Variants in CCR7 observed in about 807,000 individuals in gnomAD.
CCR7 encodes C-C chemokine receptor type 7.
In CCR7, 11 loss-of-function variants were observed where a neutral mutation model predicts 26.0. The observed-to-expected ratio is 0.42, with a 90% CI of 0.27 to 0.70. The LOEUF is 0.70. Among genes scored for constraint, CCR7 ranks in the 30% least tolerant of loss-of-function variants. The probability of loss-of-function intolerance (pLI) is 0.23; values close to 1 mark genes in which losing one functional copy is unlikely to be tolerated. For missense variants in CCR7, 360 were observed against 504.0 expected (o/e 0.71, Z 2.74); for synonymous variants, 189 against 202.1 (o/e 0.94, Z 0.55).
chr17:40,558,513 A>G (rs1352436004), intron 2 of CCR7, among the ~76,000 whole-genome samples: 1 of 152,216 alleles, frequency 6.6e-6, no homozygotes, highest in East Asian at 1.9e-4. Context: ...CAAGATCGCC[A>G]GATCCAGGGT....
intron 1 of CCR7, among the ~76,000 whole-genome samples, chr17:40,564,059 T>C (rs1339876680): frequency 6.6e-6 from 1 of 151,398 alleles, no homozygotes; most frequent in East Asian, 1.9e-4. Context: ...TGGAGCAGGG[T>C]CTTCTGTGGG....
At chr17:40,560,189 A>C (rs1319240452) in intron 1 of CCR7, among the ~76,000 whole-genome samples, 1 of 152,174 alleles carries the variant, frequency 6.6e-6, no homozygotes, top group African/African-American at 2.4e-5. Context: ...TTGACAGAGT[A>C]ATTTGCCTAG....
chr17:40,558,854 G>A, intron 2 of CCR7, 39 bp downstream of exon 2: 1 of 1,591,282 alleles, frequency 6.3e-7, no homozygotes, highest in Non-Finnish European at 8.6e-7. Flanking sequence ...GAGGCCGTGT[G>A]GAGAAGGGAA....
chr17:40,563,547 C>T (rs3136685), intron 1 of CCR7, among the ~76,000 whole-genome samples: 39,641 of 151,958 alleles, frequency 0.26, 6,622 homozygotes, highest in African/African-American at 0.47. Flanking sequence ...CCTCCCTCCT[C>T]ACCCACCTCT....
Position 40,555,306 on chromosome 17 carries a change from G to A in CCR7, c.573C>T (p.Ile191=), listed in dbSNP as rs1344619587. 6.2e-7 allele frequency: 1 copy of A among 1,614,194 alleles called. No individual in the cohort carries two copies. Among genetic ancestry groups the A allele is most frequent in the South Asian group, 1.1e-5 (1 of 91,082 alleles). The change falls in exon 3 of 3, where the codon ATC becomes ATT. Residue 191 remains isoleucine, a synonymous_variant. Transcript: ENST00000246657. The surrounding 1 kb of genome is among the most constrained non-coding windows in gnomAD (Gnocchi z 5.6). ...GGAGGTCACTGTACAGGAGCTCTGG[G>A]ATGGAGAGCACTGTGGCTAGTATCC... ...GIWILATVLS[I]PELLYSDLQR... is the part of the protein sequence containing the mutation.
Position 40,554,613 on chromosome 17 carries a change from C to T in CCR7, c.*129G>A. ...CTATCTTCTGGAGCAGGGGCTTGCACTCTGAGGGGAGAGCTGCTTTTCCCT... is the reference window on the plus strand; with the variant it reads ...CTATCTTCTGGAGCAGGGGCTTGCATTCTGAGGGGAGAGCTGCTTTTCCCT... On this transcript the variant is annotated 3_prime_UTR_variant, in exon 3 of 3. Coordinates refer to ENST00000246657, the MANE Select transcript of CCR7 (RefSeq NM_001838.4). The T allele has an allele frequency of 2.7e-6, 2 of 741,420 alleles. No individual in the cohort carries two copies. The highest frequency in any genetic ancestry group is 1.7e-5 in the South Asian group (1 of 58,322). The allele number at this position is 741,420 out of a possible 1,614,324, so 45.9% of individuals were successfully genotyped here.
chr17:40,560,725 C>G (rs895260904), intron 1 of CCR7: 2 of 152,324 alleles, frequency 1.3e-5, no homozygotes, highest in African/African-American at 4.8e-5. Flanking sequence ...GAGGATGAAG[C>G]CCCTGATGCT....
At chr17:40,558,867 G>C (rs1480879561) in intron 2 of CCR7, 26 bp downstream of exon 2, 1 of 1,609,286 alleles carries the variant, frequency 6.2e-7, no homozygotes, top group African/African-American at 1.3e-5. Context: ...GAAGGGAACA[G>C]AGCTTTCCTT....
At position 40,555,199 on chromosome 17, in the gene CCR7, T is replaced by C; in HGVS notation, c.680A>G (p.Gln227Arg). Residue 227 changes from glutamine (Q) to arginine (R), a missense_variant, in exon 3 of 3, where the codon CAG becomes CGG. Gln to Arg is a conservative substitution (Grantham distance 43). Transcript: ENST00000246657. The surrounding 1 kb of genome is among the most constrained non-coding windows in gnomAD (Gnocchi z 5.6). The stretch of plus-strand genomic sequence containing the variant: ...GGGGACCAGAAAGCCGATCACCATC[T>C]GGGCCACCTGGATGGTGATAAAGGC... ...VEAFITIQVAQMVIGFLVPLL... is the reference protein window; with the variant it reads ...VEAFITIQVARMVIGFLVPLL... The C allele has an allele frequency of 1.2e-6, 2 of 1,614,132 alleles. No homozygotes were observed. The highest frequency in any genetic ancestry group is 8.5e-7 in the Non-Finnish European group (1 of 1,180,018).
At chr17:40,563,248 A>G (rs1358719698) in intron 1 of CCR7, among the ~76,000 whole-genome samples, 1 of 152,042 alleles carries the variant, frequency 6.6e-6, no homozygotes, top group African/African-American at 2.4e-5. Context: ...ATTTTTTCCA[A>G]CAGCGACCCC....
At position 40,555,928 on chromosome 17, in the gene CCR7, CA is replaced by C; in HGVS notation, c.61-111del. ...TCTTTCTTTTTTTTTTTTCTTGAGACATGGTCTCACTCTGTTGCCCAGGCTG... is the reference window on the plus strand; with the variant it reads ...TCTTTCTTTTTTTTTTTTCTTGAGACTGGTCTCACTCTGTTGCCCAGGCTG... On this transcript the variant is annotated intron_variant, in intron 2 of 2. Transcript: ENST00000246657. The surrounding 1 kb of genome is among the most constrained non-coding windows in gnomAD (Gnocchi z 5.6). 2.8e-6 allele frequency: 2 copies of C among 720,278 alleles called. No individual in the cohort carries two copies. Among genetic ancestry groups the C allele is most frequent in the Non-Finnish European group, 4.6e-6 (2 of 438,044 alleles). The allele number at this position is 720,278 out of a possible 1,614,324, so 44.6% of individuals were successfully genotyped here.
chr17:40,554,726 C>T lies in CCR7; in HGVS notation c.*16G>A. ...GACCCTGGGAGAGGTCCCTCTAGTC[C>T]AGGCAGAAGAGTCGCCTATGGGGAG... On this transcript the variant is annotated 3_prime_UTR_variant, in exon 3 of 3. Coordinates refer to ENST00000246657, the MANE Select transcript of CCR7 (RefSeq NM_001838.4). The T allele has an allele frequency of 6.3e-7, 1 of 1,577,784 alleles. No individual in the cohort carries two copies. Among genetic ancestry groups the T allele is most frequent in the Non-Finnish European group, 8.6e-7 (1 of 1,158,614 alleles).
intron 1 of CCR7, among the ~76,000 whole-genome samples, chr17:40,561,977 CG>C (rs2036660542): frequency 6.6e-6 from 1 of 152,160 alleles, no homozygotes. Context: ...GCTCTCACTG[CG>C]TGCCACACTG....
At chr17:40,559,038 C>T (rs2036625120) in intron 1 of CCR7, 96 bp from the exon 2 acceptor site, 1 of 983,756 alleles carries the variant, frequency 1.0e-6, no homozygotes, top group Non-Finnish European at 1.5e-6. Flanking sequence ...GGGAACTTTC[C>T]TCCCAAGCTC....
intron 1 of CCR7, among the ~76,000 whole-genome samples, chr17:40,564,446 C>A (rs2036686595): frequency 6.6e-6 from 1 of 152,178 alleles, no homozygotes; most frequent in Non-Finnish European, 1.5e-5. Context: ...TTAAAGCCAA[C>A]CCTTTGCGGC....
intron 2 of CCR7, among the ~76,000 whole-genome samples, chr17:40,557,105 C>A (rs1033023415): frequency 4.6e-5 from 7 of 152,228 alleles, no homozygotes; most frequent in African/African-American, 1.7e-4. Flanking sequence ...CACCTCTCTG[C>A]CTCTCTCTTC....
chr17:40,558,338 G>A (rs906325378), intron 2 of CCR7, among the ~76,000 whole-genome samples: 1 of 152,248 alleles, frequency 6.6e-6, no homozygotes, highest in Non-Finnish European at 1.5e-5. Context: ...GCTATAAAGT[G>A]TGTGCTCATC....
rs144458054 is a variant in CCR7 at position 40,563,369 on chromosome 17, A to G, written c.10+2031T>C. 5.6e-3 allele frequency among the ~76,000 whole-genome samples: 851 copies of G among 152,266 alleles called. 7 individuals are homozygous for G. Among genetic ancestry groups the G allele is most frequent in the African/African-American group, 0.019 (807 of 41,538 alleles). ...ACCATTTATGTCCGAGCTGTGAGGC[A>G]CACATCTCTCATGGGTTCATTTTTT... On this transcript the variant is annotated intron_variant, in intron 1 of 2. Transcript: ENST00000246657.
chr17:40,559,266 C>A (rs902143088), intron 1 of CCR7, among the ~76,000 whole-genome samples: 10 of 152,332 alleles, frequency 6.6e-5, no homozygotes, highest in Admixed American at 6.5e-5. Flanking sequence ...CTAGCCCAGA[C>A]CACCCCTCAA....
Sources: gnomAD v4.1 joint callset for allele counts (sites outside exome capture counted in the v4.1 genomes callset) on GRCh38, gnomAD v4.1.1 for gene constraint, Gnocchi (gnomAD v3.1) non-coding constraint, MANE v1.5 for transcripts, NCBI Gene and HGNC (gene_info 2026-07-23, HGNC 2026-07-21) for gene names.